The following TRPC4 variants were observed in gnomAD, a reference collection of about 807,000 sequenced individuals.
TRPC4 encodes the protein short transient receptor potential channel 4.
TRPC4 carries 49 observed loss-of-function variants against 99.4 expected under a neutral mutation model. The observed-to-expected ratio is 0.49, with a 90% CI of 0.39 to 0.63. The LOEUF (loss-of-function observed/expected upper bound fraction) is 0.63, where lower values mean the gene tolerates loss of function less well. Ranked by LOEUF, TRPC4 falls within the 20% of genes least tolerant of loss-of-function variation. The pLI, the probability that TRPC4 is intolerant of heterozygous loss-of-function variation, is 0.00. For synonymous variants in TRPC4, 454 were observed against 425.9 expected, an observed-to-expected ratio of 1.07 and a Z score of -0.81; for missense variants, 898 against 1,152.9, an observed-to-expected ratio of 0.78 and a Z score of 3.20.
At chr13:37,770,173 A>T (rs1245313440) in intron 2 of TRPC4, among the ~76,000 whole-genome samples, 1 of 151,494 alleles carries the variant, frequency 6.6e-6, no homozygotes, top group Non-Finnish European at 1.5e-5. Flanking sequence ...GACAAATATG[A>T]CTGAAAATTT....
At chr13:37,680,004 C>T (rs1403616837) in intron 4 of TRPC4, among the ~76,000 whole-genome samples, 1 of 152,142 alleles carries the variant, frequency 6.6e-6, no homozygotes, top group East Asian at 1.9e-4. Context: ...CATGAGAAAA[C>T]TAAGGCCCAA....
intron 2 of TRPC4, among the ~76,000 whole-genome samples, chr13:37,753,901 G>A (rs1241995079): frequency 6.6e-6 from 1 of 152,062 alleles, no homozygotes; most frequent in Non-Finnish European, 1.5e-5. Flanking sequence ...ATGAGTAAGG[G>A]TTGATAAAGA....
intron 1 of TRPC4, among the ~76,000 whole-genome samples, chr13:37,843,570 T>C (rs1958801026): frequency 1.3e-5 from 2 of 152,040 alleles, no homozygotes; most frequent in Non-Finnish European, 2.9e-5. Flanking sequence ...CTCAAGAAAA[T>C]TGAACCCAGT....
intron 4 of TRPC4, among the ~76,000 whole-genome samples, chr13:37,684,806 C>CAT (rs1435759994): frequency 8.6e-6 from 1 of 116,272 alleles, no homozygotes; most frequent in Non-Finnish European, 2.1e-5. Flanking sequence ...CACACACACA[C>CAT]ACACACACAC....
intron 8 of TRPC4, among the ~76,000 whole-genome samples, chr13:37,646,863 T>C (rs1951873774): frequency 6.6e-6 from 1 of 152,238 alleles, no homozygotes; most frequent in African/African-American, 2.4e-5. Flanking sequence ...GTGGGATTTT[T>C]ATAATAGCCC....
chr13:37,844,982 G>A (rs974134467), intron 1 of TRPC4, among the ~76,000 whole-genome samples: 2 of 152,192 alleles, frequency 1.3e-5, no homozygotes, highest in South Asian at 2.1e-4. Flanking sequence ...AAACCTGTCT[G>A]ATCAGAGATG....
intron 6 of TRPC4, among the ~76,000 whole-genome samples, chr13:37,658,407 G>C (rs916978576): frequency 2.6e-5 from 4 of 152,104 alleles, no homozygotes; most frequent in Non-Finnish European, 4.4e-5. Context: ...ACAGCCAGAA[G>C]AATTGAACGT....
intron 2 of TRPC4, among the ~76,000 whole-genome samples, chr13:37,762,650 A>T (rs1442801874): frequency 7.0e-6 from 1 of 143,702 alleles, no homozygotes; most frequent in Non-Finnish European, 1.5e-5. Context: ...TCTCACTCAC[A>T]TGTGGGAATT....
chr13:37,715,295 A>C (rs1440840639), intron 3 of TRPC4, among the ~76,000 whole-genome samples: 1 of 152,256 alleles, frequency 6.6e-6, no homozygotes, highest in East Asian at 1.9e-4. Context: ...GTCAACATAT[A>C]GACCTGTAGG....
At chr13:37,755,319 A>C (rs368277717) in intron 2 of TRPC4, among the ~76,000 whole-genome samples, 28 of 151,896 alleles carry the variant, frequency 1.8e-4, no homozygotes, top group African/African-American at 6.8e-4. Flanking sequence ...GGCTGAACTA[A>C]AGTGACATGA....
chr13:37,638,243 G>A (rs372344511), intron 10 of TRPC4, among the ~76,000 whole-genome samples: 1 of 152,050 alleles, frequency 6.6e-6, no homozygotes, highest in African/African-American at 2.4e-5. Context: ...GTGGCTTCCT[G>A]CCCCAACCTA....
chr13:37,691,124 C>CA (rs1425974330), intron 4 of TRPC4, among the ~76,000 whole-genome samples: 1 of 151,682 alleles, frequency 6.6e-6, no homozygotes, highest in Non-Finnish European at 1.5e-5. Flanking sequence ...TTTTTTGAGA[C>CA]AGAGTCTCAC....
chr13:37,639,999 A>G (rs1400275594), intron 8 of TRPC4, among the ~76,000 whole-genome samples: 3 of 151,880 alleles, frequency 2.0e-5, no homozygotes, highest in African/African-American at 7.2e-5. Flanking sequence ...TTAATGATTG[A>G]AAAAATCCCA....
chr13:37,802,879 GT>G (rs1414809964), intron 1 of TRPC4, among the ~76,000 whole-genome samples: 1 of 151,942 alleles, frequency 6.6e-6, no homozygotes, highest in Non-Finnish European at 1.5e-5. Flanking sequence ...ATTTCTTACT[GT>G]TGTATTCTAA....
At position 37,649,731 on chromosome 13, in the gene TRPC4, C is replaced by CAAAAAAAAAAAA. The variant is rs775364702; in HGVS notation, c.2079+1522_2079+1533dup. On this transcript the variant is annotated intron_variant, in intron 8 of 10. Coordinates refer to ENST00000379705, the MANE Select transcript of TRPC4 (RefSeq NM_016179.4). ...TGGGCAACTGAGCGAGACTCCGTCT[C>CAAAAAAAAAAAA]AAAAAAAAAAAAAAAAAAAAAAAAA... 6.2e-4 allele frequency among the ~76,000 whole-genome samples: 39 copies of CAAAAAAAAAAAA among 62,706 alleles called. 3 individuals are homozygous for CAAAAAAAAAAAA. The East Asian group carries it at 8.9e-3, about 14-fold the overall frequency. The allele number at this position is 62,706 out of a possible 152,430, so 41.1% of individuals were successfully genotyped here. A position where few individuals can be genotyped will look rare whatever the true frequency, so the allele number is the denominator to read the frequency against.
At chr13:37,779,324 CAG>C (rs945863122) in intron 2 of TRPC4, among the ~76,000 whole-genome samples, 1 of 151,872 alleles carries the variant, frequency 6.6e-6, no homozygotes, top group African/African-American at 2.4e-5. Flanking sequence ...GTAAATTCAT[CAG>C]AGACTATCAG....
intron 5 of TRPC4, among the ~76,000 whole-genome samples, chr13:37,673,567 G>A (rs940480645): frequency 6.6e-6 from 1 of 151,612 alleles, no homozygotes; most frequent in South Asian, 2.1e-4. Flanking sequence ...AAGGAGAGAA[G>A]ATAATCCTCT....
chr13:37,735,297 C>G (rs1386224520), intron 3 of TRPC4, among the ~76,000 whole-genome samples: 1 of 152,060 alleles, frequency 6.6e-6, no homozygotes, highest in Non-Finnish European at 1.5e-5. Context: ...TTCTTGCGAA[C>G]TATAACGTTT....
rs988850616 is a variant in TRPC4 at position 37,635,798 on chromosome 13, A to T, written c.*1105T>A. On this transcript the variant is annotated 3_prime_UTR_variant, in exon 11 of 11. Transcript: ENST00000379705. ...GCAAACAATAGAAAGAAAAACAAGA[A>T]ATAAGAATGTTTTTCCTATAGGCAA... 6.6e-6 allele frequency among the ~76,000 whole-genome samples: 1 copy of T among 152,142 alleles called. No homozygotes were observed. Among genetic ancestry groups the T allele is most frequent in the South Asian group, 2.1e-4 (1 of 4,832 alleles).
Sources: allele counts gnomAD v4.1 joint callset (sites outside exome capture counted in the v4.1 genomes callset), GRCh38; gene constraint gnomAD v4.1.1; transcripts MANE v1.5; gene names NCBI Gene and HGNC (gene_info 2026-07-23, HGNC 2026-07-21).